Variants in ZMYM4 observed in about 807,000 individuals in gnomAD.
ZMYM4 encodes zinc finger MYM-type containing 4.
In ZMYM4, 31 loss-of-function variants were observed where a neutral mutation model predicts 183.2. The observed-to-expected ratio is 0.17, with a 90% CI of 0.13 to 0.23. The LOEUF (loss-of-function observed/expected upper bound fraction) is 0.23, where lower values mean the gene tolerates loss of function less well. Ranked by LOEUF, ZMYM4 falls within the 10% of genes least tolerant of loss-of-function variation. ZMYM4 has a pLI of 1.00. For synonymous variants in ZMYM4, 592 were observed against 631.2 expected (o/e 0.94, Z 0.93); for missense variants, 1,273 against 1,840.3 (o/e 0.69, Z 5.64).
chr1:35,292,699 C>T (rs1640819964), intron 1 of ZMYM4, among the ~76,000 whole-genome samples: 1 of 152,064 alleles, frequency 6.6e-6, no homozygotes, highest in Non-Finnish European at 1.5e-5. Flanking sequence ...CGGGTTTCAC[C>T]ACGTTAGCCA....
At position 35,405,151 on chromosome 1, in the gene ZMYM4, G is replaced by C. The variant is rs749884612; in HGVS notation, c.3657G>C (p.Gln1219His). 7.4e-6 allele frequency: 12 copies of C among 1,614,140 alleles called. No individual in the cohort carries two copies. The highest frequency in any genetic ancestry group is 1.0e-5 in the Non-Finnish European group (12 of 1,179,996). ...YGVNAWKNWV[Q>H]WKNAKEEQGD... is the part of the protein sequence containing the mutation. The stretch of plus-strand genomic sequence containing the variant: ...TAAATGCTTGGAAGAACTGGGTTCA[G>C]TGGAAAAATGCCAAGGAAGAGCAGG... Residue 1219 changes from glutamine to histidine, a missense_variant, in exon 24 of 30, where the codon CAG (glutamine) becomes CAC (histidine). Coordinates refer to ENST00000314607, the MANE Select transcript of ZMYM4 (RefSeq NM_005095.3).
chr1:35,348,795 G>A (rs1202919141), intron 2 of ZMYM4, among the ~76,000 whole-genome samples: 1 of 152,110 alleles, frequency 6.6e-6, no homozygotes, highest in East Asian at 1.9e-4. Context: ...AATTATATAA[G>A]TTAACATGTA....
intron 1 of ZMYM4, among the ~76,000 whole-genome samples, chr1:35,283,947 T>C (rs1640332444): frequency 6.6e-6 from 1 of 152,098 alleles, no homozygotes; most frequent in South Asian, 2.1e-4. Context: ...GATAGTGGCC[T>C]TGATGCACAA....
chr1:35,373,628 C>A (rs181278203), intron 7 of ZMYM4, among the ~76,000 whole-genome samples: 32 of 150,656 alleles, frequency 2.1e-4, no homozygotes, highest in African/African-American at 7.8e-4. Flanking sequence ...CTCCTGACCT[C>A]CTGATCCACC....
At position 35,268,900 on chromosome 1, in the gene ZMYM4, C is replaced by T; in HGVS notation, c.-147C>T. Reference sequence around the variant, plus strand: ...TGCGGCCCGGCGCGCGGCATCCGCCCCCTCCCCACTCTCGGCGCAAGGCCC... The same window carrying T: ...TGCGGCCCGGCGCGCGGCATCCGCCTCCTCCCCACTCTCGGCGCAAGGCCC... On this transcript the variant is annotated 5_prime_UTR_variant, in exon 1 of 30. Coordinates refer to ENST00000314607, the MANE Select transcript of ZMYM4 (RefSeq NM_005095.3). 4.5e-6 allele frequency: 4 copies of T among 890,522 alleles called. No individual in the cohort carries two copies. The African/African-American group carries it at 5.3e-5, about 12-fold the overall frequency. The allele number at this position is 890,522 out of a possible 1,614,324, so 55.2% of individuals were successfully genotyped here.
chr1:35,313,411 CAG>C (rs1181588726), intron 1 of ZMYM4, among the ~76,000 whole-genome samples: 1 of 124,824 alleles, frequency 8.0e-6, no homozygotes, highest in African/African-American at 2.9e-5. Context: ...TTTTTTGAGA[CAG>C]AGTCTCACTC....
intron 1 of ZMYM4, among the ~76,000 whole-genome samples, chr1:35,309,974 G>T (rs1284589672): frequency 1.3e-5 from 2 of 149,868 alleles, no homozygotes; most frequent in Non-Finnish European, 3.0e-5. Context: ...GTCGCCCAAG[G>T]TCTAGAGTGC....
intron 1 of ZMYM4, among the ~76,000 whole-genome samples, chr1:35,324,800 A>T (rs1292107277): frequency 6.6e-6 from 1 of 152,138 alleles, no homozygotes; most frequent in African/African-American, 2.4e-5. Flanking sequence ...TCTTTGGTGG[A>T]GTTACCGGTG....
At chr1:35,311,099 G>A (rs536502849) in intron 1 of ZMYM4, among the ~76,000 whole-genome samples, 1 of 152,066 alleles carries the variant, frequency 6.6e-6, no homozygotes, top group East Asian at 1.9e-4. Flanking sequence ...GTTATCTGTC[G>A]CTATAGTTTT....
At chr1:35,330,034 G>A (rs1225553699) in intron 2 of ZMYM4, among the ~76,000 whole-genome samples, 3 of 152,060 alleles carry the variant, frequency 2.0e-5, no homozygotes, top group Admixed American at 6.6e-5. Flanking sequence ...TGGGCACATA[G>A]CAAGACCCTG....
intron 26 of ZMYM4, among the ~76,000 whole-genome samples, chr1:35,409,078 C>T (rs1230166302): frequency 6.6e-6 from 1 of 152,144 alleles, no homozygotes; most frequent in Non-Finnish European, 1.5e-5. Flanking sequence ...ATTATGTTTT[C>T]AAGGTTTATC....
chr1:35,361,116 A>G, intron 3 of ZMYM4, 78 bp from the exon 4 acceptor site: 1 of 1,275,584 alleles, frequency 7.8e-7, no homozygotes, highest in Non-Finnish European at 1.1e-6. Context: ...TTATCAAATG[A>G]TAGCTTTTTA....
chr1:35,304,720 T>C (rs1202224140), intron 1 of ZMYM4, among the ~76,000 whole-genome samples: 1 of 151,956 alleles, frequency 6.6e-6, no homozygotes, highest in Non-Finnish European at 1.5e-5. Flanking sequence ...CTTCCCACCT[T>C]GGCCTTCCAA....
At chr1:35,276,956 T>C (rs866830797) in intron 1 of ZMYM4, among the ~76,000 whole-genome samples, 20 of 152,208 alleles carry the variant, frequency 1.3e-4, no homozygotes, top group African/African-American at 4.6e-4. Flanking sequence ...TCCCATGCTA[T>C]TTATTTGTTG....
chr1:35,282,980 G>GT (rs775211352), intron 1 of ZMYM4, among the ~76,000 whole-genome samples: 1,097 of 26,242 alleles, frequency 0.042, 513 homozygotes, highest in Non-Finnish European at 0.099. Context: ...TGTGTGTGTG[G>GT]TTTTTTTTTT....
At chr1:35,386,710 G>A (rs1644585539) in intron 11 of ZMYM4, among the ~76,000 whole-genome samples, 1 of 152,170 alleles carries the variant, frequency 6.6e-6, no homozygotes, top group Non-Finnish European at 1.5e-5. Context: ...AGTTCATTCT[G>A]TATTTGGAAT....
intron 1 of ZMYM4, among the ~76,000 whole-genome samples, chr1:35,298,269 A>G (rs1036261132): frequency 1.3e-5 from 2 of 152,158 alleles, no homozygotes; most frequent in African/African-American, 4.8e-5. Flanking sequence ...TTAGCTGGAC[A>G]TACTGGTGTG....
At chr1:35,379,482 C>A (rs1027799074) in intron 7 of ZMYM4, among the ~76,000 whole-genome samples, 1 of 152,340 alleles carries the variant, frequency 6.6e-6, no homozygotes, top group East Asian at 1.9e-4. Context: ...TTGATCCGCC[C>A]GCCTCGGCCT....
chr1:35,303,703 G>A (rs537458284), intron 1 of ZMYM4, among the ~76,000 whole-genome samples: 5 of 151,750 alleles, frequency 3.3e-5, no homozygotes, highest in African/African-American at 1.2e-4. Context: ...ACTCATTTTT[G>A]GTTTCACTGA....
Sources: allele counts gnomAD v4.1 joint callset (sites outside exome capture counted in the v4.1 genomes callset), GRCh38; gene constraint gnomAD v4.1.1; transcripts MANE v1.5; gene names NCBI Gene and HGNC (gene_info 2026-07-23, HGNC 2026-07-21).